The following POGZ variants were observed in gnomAD, a reference collection of about 807,000 sequenced individuals.
The protein encoded by POGZ is pogo transposable element derived with ZNF domain.
A neutral mutation model predicts 134.6 loss-of-function variants in POGZ; 17 were observed. That is an observed-to-expected ratio of 0.13 (90% CI 0.09 to 0.19). POGZ has a LOEUF of 0.19. Ranked by LOEUF, POGZ falls within the 10% of genes least tolerant of loss-of-function variation. The pLI, the probability that POGZ is intolerant of heterozygous loss-of-function variation, is 1.00. For missense variants in POGZ, 1,306 were observed against 1,769.7 expected (o/e 0.74, Z 4.70); for synonymous variants, 693 against 657.1 (o/e 1.05, Z -0.84).
chr1:151,430,616 T>G, intron 4 of POGZ, 50 bp downstream of exon 4: 1 of 1,432,280 alleles, frequency 7.0e-7, no homozygotes, highest in African/African-American at 1.4e-5. Flanking sequence ...TTTCAGAGGT[T>G]TATAGTCTTT....
chr1:151,455,269 G>C (rs76024740), intron 1 of POGZ: 183 of 152,252 alleles, frequency 1.2e-3, no homozygotes, highest in African/African-American at 4.3e-3. Flanking sequence ...TTACAGATAA[G>C]GTCAAAACAG....
chr1:151,419,956 C>A (rs1656601101), intron 10 of POGZ, among the ~76,000 whole-genome samples: 1 of 151,996 alleles, frequency 6.6e-6, no homozygotes. Flanking sequence ...ACCCACCCCC[C>A]ATATTACGCG....
At chr1:151,421,341 C>G (rs1284011146) in intron 10 of POGZ, among the ~76,000 whole-genome samples, 1 of 147,640 alleles carries the variant, frequency 6.8e-6, no homozygotes, top group Non-Finnish European at 1.5e-5. Flanking sequence ...GAAAGCAATT[C>G]TCACTCATAA....
chr1:151,455,918 T>TA (rs1553237678), intron 1 of POGZ, among the ~76,000 whole-genome samples: 3 of 149,700 alleles, frequency 2.0e-5, no homozygotes, highest in East Asian at 2.0e-4. Flanking sequence ...TTTTTTTTTT[T>TA]AATAAATAGA....
rs1387887616 is a variant in POGZ, at chr1:151,417,289, C to T, written c.1679-4893G>A. ...ATGTTGTCTGGGATGGTCTCGATAT[C>T]CTGACCTCGTGATCCACCCGCCTCG... On this transcript the variant is annotated intron_variant, in intron 10 of 18. Coordinates refer to ENST00000271715, the MANE Select transcript of POGZ (RefSeq NM_015100.4). Among the ~76,000 whole-genome samples the T allele has an allele frequency of 2.0e-5, 3 of 150,432 alleles. No individual in the cohort carries two copies. In the East Asian group the frequency reaches 6.0e-4, roughly 30 times the overall value.
Position 151,424,958 on chromosome 1 carries a change from CAT to C in POGZ, c.1180_1181del (p.Met394ValfsTer9), listed in dbSNP as rs1057518170. 2 of 1,533,650 alleles carry C rather than the reference CAT, an allele frequency of 1.3e-6. No individual in the cohort carries two copies. The highest frequency in any genetic ancestry group is 1.8e-6 in the Non-Finnish European group (2 of 1,112,454). ...FRVTEALRGH[M>X]CYCCPEMVEY... ...GATCACAGGTGATATCACTTACACA[CAT>C]GTGACCTCTCAAAGCTTCAGTAACA... On this transcript the variant is annotated frameshift_variant, in exon 8 of 19. Transcript: ENST00000271715. LOFTEE classifies it high-confidence loss of function.
intron 4 of POGZ, among the ~76,000 whole-genome samples, chr1:151,430,417 T>C (rs1658499842): frequency 6.6e-6 from 1 of 152,204 alleles, no homozygotes; most frequent in South Asian, 2.1e-4. Context: ...GTTTTCCCAC[T>C]ATTTCTGCCT....
At chr1:151,425,308 A>G in intron 7 of POGZ, 2 of 353,358 alleles carry the variant, frequency 5.7e-6, no homozygotes, top group South Asian at 5.6e-5. Flanking sequence ...GCTCAAGATC[A>G]CTATGTTTGA....
At chr1:151,451,546 CAACTCCTGACCT>C (rs1382468658) in intron 1 of POGZ, among the ~76,000 whole-genome samples, 1 of 151,328 alleles carries the variant, frequency 6.6e-6, no homozygotes, top group Non-Finnish European at 1.5e-5. Context: ...GGCTGGTCTT[CAACTCCTGACCT>C]CAGGTGATCC....
chr1:151,440,614 C>T lies in POGZ; in HGVS notation c.283+314G>A, dbSNP rs193061283. The stretch of plus-strand genomic sequence containing the variant: ...AATGGAATTTTTCTCATTAAAGAAA[C>T]AAAAACAACCAACCAACCAAACAAA... On this transcript the variant is annotated intron_variant, in intron 3 of 18. Coordinates refer to ENST00000271715, the MANE Select transcript of POGZ (RefSeq NM_015100.4). Among the ~76,000 whole-genome samples the T allele has an allele frequency of 4.1e-4, 63 of 152,122 alleles. No homozygotes were observed. In the East Asian group the frequency reaches 8.9e-3, roughly 21 times the overall value.
At chr1:151,453,375 T>C (rs1571596559) in intron 1 of POGZ, among the ~76,000 whole-genome samples, 1 of 152,160 alleles carries the variant, frequency 6.6e-6, no homozygotes, top group African/African-American at 2.4e-5. Context: ...GTAGCCTTGT[T>C]GGTTGAATTT....
chr1:151,407,890 T>C (rs1448590738), intron 15 of POGZ, among the ~76,000 whole-genome samples: 4 of 151,608 alleles, frequency 2.6e-5, no homozygotes, highest in Non-Finnish European at 4.4e-5. Context: ...TGCACACCTA[T>C]AATCCCAGCT....
In POGZ at chr1:151,442,141, T is replaced by C; in HGVS notation, c.64A>G (p.Ser22Gly). 6.2e-7 allele frequency: 1 copy of C among 1,611,310 alleles called. No individual in the cohort carries two copies. The highest frequency in any genetic ancestry group is 8.5e-7 in the Non-Finnish European group (1 of 1,177,410). The stretch of plus-strand genomic sequence containing the variant: ...ACTACAGAGTCCTCAATGACATCAC[T>C]GATTTTCTGCCATGGCTCCAACTCC... ...EEELEPWQKI[S>G]DVIEDSVVED... Residue 22 changes from serine (S) to glycine (G), a missense_variant, in exon 2 of 19, where the codon AGT (serine) becomes GGT (glycine). This residue lies in a region of POGZ where 541 missense variants were observed against 680.5 expected (regional missense o/e 0.80). Transcript: ENST00000271715.
At chr1:151,454,465 T>C (rs898186558) in intron 1 of POGZ, among the ~76,000 whole-genome samples, 2 of 152,234 alleles carry the variant, frequency 1.3e-5, no homozygotes, top group Non-Finnish European at 2.9e-5. Context: ...TAGTACCTCA[T>C]ATGTAAGAAT....
intron 12 of POGZ, among the ~76,000 whole-genome samples, chr1:151,410,170 G>A (rs1032699211): frequency 2.0e-5 from 3 of 152,044 alleles, no homozygotes; most frequent in Non-Finnish European, 4.4e-5. Context: ...ATTTTAAAAC[G>A]AAGTCATAGC....
chr1:151,447,333 C>T (rs1661419019), intron 1 of POGZ, among the ~76,000 whole-genome samples: 1 of 151,986 alleles, frequency 6.6e-6, no homozygotes. Flanking sequence ...GATTGTGCCA[C>T]TGCACTCCAG....
intron 1 of POGZ, among the ~76,000 whole-genome samples, chr1:151,458,601 T>A (rs921858264): frequency 1.4e-5 from 2 of 142,720 alleles, no homozygotes; most frequent in African/African-American, 5.2e-5. Flanking sequence ...CAGGGGCCGC[T>A]CCGCCGCCGC....
intron 1 of POGZ, among the ~76,000 whole-genome samples, chr1:151,445,678 G>A (rs1167961511): frequency 1.3e-5 from 2 of 151,960 alleles, no homozygotes; most frequent in Non-Finnish European, 2.9e-5. Context: ...TAGGTCTGCT[G>A]ACTGAACATA....
chr1:151,458,020 T>C (rs1257600823), intron 1 of POGZ, among the ~76,000 whole-genome samples: 1 of 152,010 alleles, frequency 6.6e-6, no homozygotes, highest in African/African-American at 2.4e-5. Flanking sequence ...CTACACCGCT[T>C]GCATCAAGAC....
Sources: allele counts gnomAD v4.1 joint callset (sites outside exome capture counted in the v4.1 genomes callset), GRCh38; gene constraint gnomAD v4.1.1; regional missense constraint gnomAD v4.1.1; transcripts MANE v1.5; gene names NCBI Gene and HGNC (gene_info 2026-07-23, HGNC 2026-07-21).